HGSNAT: variants seen among roughly 807,000 people sequenced by gnomAD.
HGSNAT encodes the protein transmembrane protein 76.
In HGSNAT, 59 loss-of-function variants were observed where a neutral mutation model predicts 85.2. The observed-to-expected ratio is 0.69, with a 90% CI of 0.56 to 0.86. The LOEUF is 0.86. Ranked by LOEUF, HGSNAT falls within the 40% of genes least tolerant of loss-of-function variation. HGSNAT has a pLI of 0.00. For missense variants in HGSNAT, 756 were observed against 777.1 expected (o/e 0.97, Z 0.32); for synonymous variants, 321 against 304.5 (o/e 1.05, Z -0.56).
chr8:43,162,703 C>T (rs1297109785), intron 5 of HGSNAT, among the ~76,000 whole-genome samples: 1 of 151,710 alleles, frequency 6.6e-6, no homozygotes, highest in African/African-American at 2.4e-5. Flanking sequence ...AGGCATGCAT[C>T]ACCATGCCTG....
At chr8:43,158,741 G>T (rs778279318) in intron 3 of HGSNAT, 30 bp downstream of exon 3, 1 of 1,561,018 alleles carries the variant, frequency 6.4e-7, no homozygotes, top group Non-Finnish European at 8.6e-7. Context: ...TGATCTAAGT[G>T]AAGTCTGCAT....
intron 17 of HGSNAT, among the ~76,000 whole-genome samples, chr8:43,198,569 G>A (rs1003267997): frequency 6.6e-6 from 1 of 152,066 alleles, no homozygotes; most frequent in Non-Finnish European, 1.5e-5. Flanking sequence ...TTACAGGCGT[G>A]AGCCACCGTG....
intron 4 of HGSNAT, among the ~76,000 whole-genome samples, 187 bp from the exon 5 acceptor site, chr8:43,161,251 T>C (rs1459435755): frequency 1.3e-5 from 2 of 152,112 alleles, no homozygotes; most frequent in Non-Finnish European, 2.9e-5. Context: ...CTCTGTGCTT[T>C]TGTTTATGTT....
At chr8:43,175,557 CTTTT>C (rs572939859) in intron 9 of HGSNAT, among the ~76,000 whole-genome samples, 24 of 63,124 alleles carry the variant, frequency 3.8e-4, no homozygotes, top group Non-Finnish European at 6.3e-4. Flanking sequence ...CTTTTGTCCT[CTTTT>C]TTTTTTTTTT....
At chr8:43,196,531 G>T (rs774602016) in intron 14 of HGSNAT, 2 of 1,290,448 alleles carry the variant, frequency 1.5e-6, no homozygotes, top group South Asian at 2.5e-5. Flanking sequence ...GAGCCACGGA[G>T]CCTGCCCAGG....
At chr8:43,174,988 A>G (rs917402000) in intron 9 of HGSNAT, among the ~76,000 whole-genome samples, 7 of 22,288 alleles carry the variant, frequency 3.1e-4, no homozygotes, top group Non-Finnish European at 1.3e-3. Flanking sequence ...TAGCTCCACA[A>G]ATAATTGGAA....
chr8:43,145,978 C>T (rs1223016854), intron 1 of HGSNAT, among the ~76,000 whole-genome samples: 1 of 152,022 alleles, frequency 6.6e-6, no homozygotes, highest in Non-Finnish European at 1.5e-5. Flanking sequence ...TATAAATGGC[C>T]CAGTTGGTTG....
chr8:43,153,638 C>G (rs1802992575), intron 2 of HGSNAT, among the ~76,000 whole-genome samples: 1 of 152,218 alleles, frequency 6.6e-6, no homozygotes, highest in East Asian at 1.9e-4. Context: ...CTATAGTCAC[C>G]CTACTGTGCC....
At chr8:43,175,831 T>C (rs907477217) in intron 9 of HGSNAT, among the ~76,000 whole-genome samples, 2 of 152,134 alleles carry the variant, frequency 1.3e-5, no homozygotes, top group African/African-American at 4.8e-5. Context: ...CCTCCCAAAG[T>C]GCTAGGATTA....
intron 10 of HGSNAT, among the ~76,000 whole-genome samples, chr8:43,179,747 GC>G (rs1406332847): frequency 1.3e-4 from 3 of 23,296 alleles, no homozygotes; most frequent in Non-Finnish European, 2.7e-4. Flanking sequence ...GGGGCGGCTG[GC>G]CGGGCAGAGG....
chr8:43,198,113 A>C (rs1364035839), intron 17 of HGSNAT, among the ~76,000 whole-genome samples, 161 bp downstream of exon 17: 2 of 152,124 alleles, frequency 1.3e-5, no homozygotes, highest in African/African-American at 4.8e-5. Flanking sequence ...ACATTGTCCC[A>C]GCCCACACCA....
Position 43,140,539 on chromosome 8 carries a change from G to A in HGSNAT, c.43G>A (p.Ala15Thr). 2 of 1,143,614 alleles carry A rather than the reference G, an allele frequency of 1.7e-6. No homozygotes were observed. The highest frequency in any genetic ancestry group is 2.1e-6 in the Non-Finnish European group (2 of 933,808). The allele number at this position is 1,143,614 out of a possible 1,614,324, so 70.8% of individuals were successfully genotyped here. ...GRALAALLLA[A>T]SVLSAALLAP... ...GGCGCTGGCCGCGCTGCTGCTGGCC[G>A]CGTCCGTGCTGAGCGCCGCGCTGCT... is the stretch of plus-strand genomic sequence containing the variant. The change falls in exon 1 of 18, where the codon GCG (alanine) becomes ACG (threonine). Residue 15 changes from alanine to threonine, a missense_variant. Physicochemically the swap from Ala to Thr is moderately conservative, Grantham distance 58. Transcript: ENST00000379644.
chr8:43,188,604 G>A (rs1042881469), intron 11 of HGSNAT, among the ~76,000 whole-genome samples: 17 of 152,138 alleles, frequency 1.1e-4, no homozygotes, highest in African/African-American at 3.6e-4. Context: ...CCTTTAGCTC[G>A]GAGAAGTTTG....
intron 14 of HGSNAT, 87 bp downstream of exon 14, chr8:43,193,930 GGA>G (rs1366380064): frequency 7.0e-6 from 11 of 1,565,052 alleles, no homozygotes; most frequent in Non-Finnish European, 9.5e-6. Flanking sequence ...TAAAATAATT[GGA>G]AGCATATTCT....
chr8:43,195,673 AGGGT>A (rs376692417), intron 14 of HGSNAT: 77 of 11,258 alleles, frequency 6.8e-3, no homozygotes, highest in Non-Finnish European at 0.01. Context: ...GAGGAGGGTG[AGGGT>A]GTGGATGAGG....
intron 7 of HGSNAT, 49 bp downstream of exon 7, chr8:43,170,743 A>ACCTG: frequency 9.4e-7 from 1 of 1,069,194 alleles, no homozygotes; most frequent in Non-Finnish European, 1.4e-6. Flanking sequence ...TCACAGGACT[A>ACCTG]CATAATTGTA....
At position 43,199,386 on chromosome 8, in the gene HGSNAT, A is replaced by C. The variant is rs1334098296; in HGVS notation, c.1727-2A>C. ...GATCTTCTGTATGTCTCTCTCCTTA[A>C]GGAATGAATTCCATTCTGGTATATG... is the stretch of plus-strand genomic sequence containing the variant. On this transcript the variant is annotated splice_acceptor_variant, in intron 17 of 17. Coordinates refer to ENST00000379644, the MANE Select transcript of HGSNAT (RefSeq NM_152419.3). LOFTEE classifies it high-confidence loss of function. 1 of 1,581,140 alleles carries C rather than the reference A, an allele frequency of 6.3e-7. No individual in the cohort carries two copies. Among genetic ancestry groups the C allele is most frequent in the South Asian group, 1.1e-5 (1 of 87,010 alleles).
intron 4 of HGSNAT, among the ~76,000 whole-genome samples, chr8:43,160,370 T>G (rs1171875602): frequency 6.6e-6 from 1 of 152,200 alleles, no homozygotes; most frequent in Non-Finnish European, 1.5e-5. Context: ...TATGAGTGGA[T>G]GAAACCACGA....
chr8:43,194,898 G>C (rs930843043), intron 14 of HGSNAT, among the ~76,000 whole-genome samples: 1 of 152,114 alleles, frequency 6.6e-6, no homozygotes, highest in Non-Finnish European at 1.5e-5. Context: ...CGAATCTACT[G>C]GTGCCTTGAT....
Sources: gnomAD v4.1 joint callset for allele counts (sites outside exome capture counted in the v4.1 genomes callset) on GRCh38, gnomAD v4.1.1 for gene constraint, MANE v1.5 for transcripts, NCBI Gene and HGNC (gene_info 2026-07-23, HGNC 2026-07-21) for gene names.